The following MYH7B variants were observed in gnomAD, a reference collection of about 807,000 sequenced individuals.
MYH7B encodes myosin heavy chain 7B.
MYH7B carries 205 observed loss-of-function variants against 234.5 expected under a neutral mutation model. The ratio of observed to expected loss-of-function variants is 0.87; its 90% confidence interval spans 0.78 to 0.98. The LOEUF is 0.98. Among genes scored for constraint, MYH7B ranks in the 50% least tolerant of loss-of-function variants. The probability of loss-of-function intolerance (pLI) is 0.00; values close to 1 mark genes in which losing one functional copy is unlikely to be tolerated. For synonymous variants in MYH7B, 1,193 were observed against 1,105.0 expected, an observed-to-expected ratio of 1.08 and a Z score of -1.58; for missense variants, 2,652 against 2,633.4, an observed-to-expected ratio of 1.01 and a Z score of -0.15.
At chr20:34,997,053 TGTGCTGGC>T in intron 30 of MYH7B, 22 bp from the exon 31 acceptor site, 1 of 1,395,338 alleles carries the variant, frequency 7.2e-7, no homozygotes, top group Middle Eastern at 2.5e-4. Flanking sequence ...AGTTAAGGCC[TGTGCTGGC>T]CACCCACTCT....
chr20:34,981,137 C>T (rs946665765), intron 9 of MYH7B, 77 bp downstream of exon 9: 8 of 1,576,098 alleles, frequency 5.1e-6, no homozygotes, highest in Non-Finnish European at 7.0e-6. Context: ...CAGTCATTTC[C>T]CAGGATTGAA....
In MYH7B at chr20:35,000,372, C is replaced by T. The variant is rs1319423309; in HGVS notation, c.4861C>T (p.Leu1621Phe). ...ACGGGCCCGCAATGAGGCGCTGCGGCTCAAGAAGAAGATGGAGGGTGACCT... is the reference window on the plus strand; with the variant it reads ...ACGGGCCCGCAATGAGGCGCTGCGGTTCAAGAAGAAGATGGAGGGTGACCT... Residue 1621 changes from leucine to phenylalanine, a missense_variant, in exon 39 of 45, where the codon CTC (leucine) becomes TTC (phenylalanine). Coordinates refer to ENST00000262873, the Ensembl canonical transcript of MYH7B. The T allele has an allele frequency of 4.4e-6, 7 of 1,599,112 alleles. No homozygotes were observed. The highest frequency in any genetic ancestry group is 5.9e-6 in the Non-Finnish European group (7 of 1,179,926).
chr20:34,996,374 C>T (rs200331773), exon 29 of MYH7B: 56 of 1,604,480 alleles, frequency 3.5e-5, no homozygotes, highest in East Asian at 6.8e-5. Flanking sequence ...GAGATGGCTG[C>T]GCTGGACGAG....
chr20:34,990,929 TCTCCA>T (rs1600451187), intron 23 of MYH7B, 70 bp from the exon 24 acceptor site: 3 of 1,553,048 alleles, frequency 1.9e-6, no homozygotes, highest in Non-Finnish European at 2.7e-6. Context: ...CCTCGCAGGG[TCTCCA>T]CTGCTGCTTT....
At chr20:34,961,921 A>C (rs1375849524) in intron 2 of MYH7B, among the ~76,000 whole-genome samples, 1 of 152,110 alleles carries the variant, frequency 6.6e-6, no homozygotes, top group Admixed American at 6.6e-5. Flanking sequence ...GGTTGTTTCC[A>C]CTTTTTGCCA....
intron 4 of MYH7B, 58 bp downstream of exon 4, chr20:34,977,738 G>GGGGGGGGGGGGCCCCC: frequency 3.2e-6 from 1 of 317,148 alleles, no homozygotes; most frequent in Non-Finnish European, 5.9e-6. Context: ...GGGCGGGTGG[G>GGGGGGGGGGGGCCCCC]TGAGGGTGCC....
At chr20:34,956,689 AG>A (rs1448256844) in intron 1 of MYH7B, among the ~76,000 whole-genome samples, 7 of 152,182 alleles carry the variant, frequency 4.6e-5, no homozygotes, top group African/African-American at 1.7e-4. Context: ...AGGAAGGTAT[AG>A]GTAGTGAAGG....
chr20:34,997,769 C>T (rs1323866534), intron 32 of MYH7B, 129 bp downstream of exon 32: 8 of 1,142,356 alleles, frequency 7.0e-6, no homozygotes, highest in Non-Finnish European at 9.7e-6. Context: ...TCACCTGGTA[C>T]ACAACCCTCA....
At chr20:34,993,410 T>G in exon 26 of MYH7B, 1 of 1,612,658 alleles carries the variant, frequency 6.2e-7, no homozygotes, top group Non-Finnish European at 8.5e-7. Context: ...CTGACGCTGC[T>G]GCAGGCGCGG....
At chr20:34,985,230 G>C in intron 13 of MYH7B, 101 bp downstream of exon 13, 1 of 1,146,682 alleles carries the variant, frequency 8.7e-7, no homozygotes, top group South Asian at 1.3e-5. Context: ...TGCCTGCTCT[G>C]GGCACTTCTC....
intron 37 of MYH7B, 26 bp from the exon 38 acceptor site, chr20:34,999,765 C>CCCCCCCCCCCCCCCCCT: frequency 1.1e-6 from 1 of 940,068 alleles, no homozygotes. Flanking sequence ...CCCCCCCACC[C>CCCCCCCCCCCCCCCCCT]TACCCTGCCT....
chr20:34,993,029 T>G, intron 24 of MYH7B, 73 bp from the exon 25 acceptor site: 3 of 1,552,732 alleles, frequency 1.9e-6, no homozygotes, highest in Non-Finnish European at 2.6e-6. Context: ...CCTCAGTCCC[T>G]GACTTCCCCA....
rs1469458326 is a variant in MYH7B, at chr20:34,997,278, CT to C, written c.3386del (p.Leu1129ArgfsTer25). On this transcript the variant is annotated frameshift_variant, in exon 32 of 45. Transcript: ENST00000262873. LOFTEE classifies it high-confidence loss of function. ...TCGGGCGGAGGAGCTGGAAGAGGAG[CT>C]GGAGGCAGAGCGGGCAGCCCGGGCC... 3.9e-6 allele frequency: 6 copies of C among 1,557,920 alleles called. No individual in the cohort carries two copies. Among genetic ancestry groups the C allele is most frequent in the Non-Finnish European group, 5.2e-6 (6 of 1,152,282 alleles).
chr20:34,987,881 G>T lies in MYH7B; in HGVS notation c.1383G>T (p.Gly461=), dbSNP rs772341428. The change falls in exon 18 of 45, where the codon GGG becomes GGT. Residue 461 remains glycine (G), a synonymous_variant. Transcript: ENST00000262873. The stretch of plus-strand genomic sequence containing the variant: ...AGCTGCCCCGGCAGTTCTTCATCGG[G>T]GTTCTGGACATCGCTGGGTTTGAGA... The T allele has an allele frequency of 6.2e-7, 1 of 1,609,916 alleles. No homozygotes were observed. Among genetic ancestry groups the T allele is most frequent in the African/African-American group, 1.3e-5 (1 of 75,002 alleles).
intron 22 of MYH7B, 198 bp downstream of exon 22, chr20:34,990,508 G>C (rs768530187): frequency 3.5e-6 from 3 of 867,452 alleles, no homozygotes; most frequent in Non-Finnish European, 6.0e-6. Flanking sequence ...TTGTGGGGAA[G>C]GGGTGGGAGC....
intron 10 of MYH7B, among the ~76,000 whole-genome samples, chr20:34,983,244 G>C (rs906003859): frequency 7.9e-6 from 1 of 127,322 alleles, no homozygotes; most frequent in Non-Finnish European, 1.7e-5. Context: ...TTTTTCCCCT[G>C]TTTTCTTTCT....
intron 1 of MYH7B, among the ~76,000 whole-genome samples, chr20:34,957,059 C>G (rs2081644742): frequency 1.3e-5 from 2 of 152,142 alleles, no homozygotes; most frequent in Admixed American, 1.3e-4. Flanking sequence ...GTCCTAAAAA[C>G]AAAACAAACG....
chr20:34,993,102 G>A (rs2082186147), exon 25 of MYH7B: 1 of 1,611,726 alleles, frequency 6.2e-7, no homozygotes, highest in Admixed American at 1.7e-5. Context: ...CCTTTCCCAG[G>A]TACCGTATCC....
At position 34,990,721 on chromosome 20, in the gene MYH7B, C is replaced by T; in HGVS notation, c.1978-17C>T. 5.0e-6 allele frequency: 8 copies of T among 1,613,700 alleles called. No individual in the cohort carries two copies. The highest frequency in any genetic ancestry group is 5.9e-6 in the Non-Finnish European group (7 of 1,179,572). ...CTGCCCCCTTTGTGCCTTTCCCTCA[C>T]TCTTCCCCACTGCCAGGAGAACCTC... On this transcript the variant is annotated splice_polypyrimidine_tract_variant and intron_variant, in intron 22 of 44. Transcript: ENST00000262873.
Sources: allele counts gnomAD v4.1 joint callset (sites outside exome capture counted in the v4.1 genomes callset), GRCh38; gene constraint gnomAD v4.1.1; transcripts MANE v1.5; gene names NCBI Gene and HGNC (gene_info 2026-07-23, HGNC 2026-07-21).